CKAP5: variants seen among roughly 807,000 people sequenced by gnomAD.
CKAP5 encodes cytoskeleton associated protein 5.
A neutral mutation model predicts 232.8 loss-of-function variants in CKAP5; 27 were observed. The observed-to-expected ratio is 0.12, with a 90% CI of 0.09 to 0.16. The LOEUF is 0.16. CKAP5 is among the 10% of genes least tolerant of loss of function. CKAP5 has a pLI of 1.00. For missense variants in CKAP5, 1,838 were observed against 2,424.7 expected (o/e 0.76, Z 5.08); for synonymous variants, 785 against 841.1 (o/e 0.93, Z 1.16).
At chr11:46,834,124 C>A (rs553463521) in intron 1 of CKAP5, among the ~76,000 whole-genome samples, 102 of 152,198 alleles carry the variant, frequency 6.7e-4, no homozygotes, top group Non-Finnish European at 1.1e-3. Context: ...CCCGGCTTGG[C>A]CTTTTACTAT....
In CKAP5 at chr11:46,809,417, C is replaced by G; in HGVS notation, c.847G>C (p.Asp283His). 1 of 1,605,452 alleles carries G rather than the reference C, an allele frequency of 6.2e-7. No homozygotes were observed. Among genetic ancestry groups the G allele is most frequent in the South Asian group, 1.1e-5 (1 of 89,810 alleles). The change falls in exon 7 of 44, where the codon GAC (aspartate) becomes CAC (histidine). Residue 283 changes from aspartate (D) to histidine (H), a missense_variant. Coordinates refer to ENST00000529230, the MANE Select transcript of CKAP5 (RefSeq NM_001008938.4). The stretch of plus-strand genomic sequence containing the variant: ...TTACTTACAATTTTGTCATAAAAGT[C>G]TTTGGGAAGTTTGGAAAGGATTTCT... The part of the protein sequence containing the change: ...AVEILSKLPK[D>H]FYDKIEAKKW...
At chr11:46,752,193 T>TATACACATAC (rs1408030107) in intron 38 of CKAP5, among the ~76,000 whole-genome samples, 19 of 66,574 alleles carry the variant, frequency 2.9e-4, no homozygotes, top group African/African-American at 9.2e-4. Context: ...TATATATATA[T>TATACACATAC]ACACACACAC....
intron 36 of CKAP5, among the ~76,000 whole-genome samples, chr11:46,754,227 G>C (rs1447205600): frequency 6.6e-6 from 1 of 152,096 alleles, no homozygotes; most frequent in Non-Finnish European, 1.5e-5. Context: ...TTGAACTCCT[G>C]ACATTGTGAT....
intron 20 of CKAP5, among the ~76,000 whole-genome samples, chr11:46,779,219 T>C (rs1282706050): frequency 3.3e-5 from 5 of 152,002 alleles, no homozygotes; most frequent in Admixed American, 6.6e-5. Flanking sequence ...CTGCAACCTA[T>C]GCCTCCCGGG....
intron 25 of CKAP5, chr11:46,770,372 G>T (rs865878820): frequency 2.5e-6 from 1 of 394,922 alleles, no homozygotes. Context: ...TGCTTGTTAC[G>T]ATTTCAAATT....
chr11:46,797,699 C>G, intron 11 of CKAP5, 106 bp downstream of exon 11: 1 of 1,142,454 alleles, frequency 8.8e-7, no homozygotes, highest in Non-Finnish European at 1.2e-6. Flanking sequence ...CTCAAAAGAT[C>G]ATAACCTCTA....
intron 8 of CKAP5, among the ~76,000 whole-genome samples, chr11:46,806,607 G>A (rs1939160978): frequency 6.6e-6 from 1 of 152,142 alleles, no homozygotes; most frequent in Non-Finnish European, 1.5e-5. Context: ...ATGGAAAATT[G>A]ATGACTGAAC....
chr11:46,751,804 T>C (rs4752932), intron 38 of CKAP5, among the ~76,000 whole-genome samples: 21,180 of 152,140 alleles, frequency 0.14, 2,467 homozygotes, highest in East Asian at 0.6. Context: ...TTTAACCTGG[T>C]AGAAATTCTC....
chr11:46,806,776 A>C (rs1284744253), intron 8 of CKAP5, among the ~76,000 whole-genome samples: 2 of 152,180 alleles, frequency 1.3e-5, no homozygotes, highest in Non-Finnish European at 2.9e-5. Flanking sequence ...ATCAACACTC[A>C]TGGTACTTTC....
chr11:46,821,104 G>C, intron 2 of CKAP5, 71 bp downstream of exon 2: 1 of 1,056,882 alleles, frequency 9.5e-7, no homozygotes, highest in Non-Finnish European at 1.5e-6. Context: ...ACACTTCTAA[G>C]TAAGATGATA....
At chr11:46,768,980 C>T (rs994424981) in intron 26 of CKAP5, among the ~76,000 whole-genome samples, 2 of 152,024 alleles carry the variant, frequency 1.3e-5, no homozygotes, top group African/African-American at 2.4e-5. Context: ...AGTGCACTGG[C>T]GTGATCTTGG....
chr11:46,797,466 C>T (rs1938906659), intron 11 of CKAP5, among the ~76,000 whole-genome samples: 1 of 151,444 alleles, frequency 6.6e-6, no homozygotes, highest in Non-Finnish European at 1.5e-5. Flanking sequence ...ATTTCCTTTT[C>T]CTCTTACCCT....
Position 46,811,033 on chromosome 11 carries a change from G to T in CKAP5, c.604C>A (p.Pro202Thr). ...YRWIRDALRP[P>T]LQNINSVQLK... ...TGAACAGAGTTTATATTTTGTAATGGGGGTCTCAGAGCATCCCGAATCCAT... is the reference window on the plus strand; with the variant it reads ...TGAACAGAGTTTATATTTTGTAATGTGGGTCTCAGAGCATCCCGAATCCAT... The change falls in exon 5 of 44, where the codon CCA (proline) becomes ACA (threonine). Residue 202 changes from proline to threonine, a missense_variant. Physicochemically the swap from Pro to Thr is conservative, Grantham distance 38 (BLOSUM62 -1). This residue lies in a region of CKAP5 where 285 missense variants were observed against 300.0 expected (regional missense o/e 0.95). Coordinates refer to ENST00000529230, the MANE Select transcript of CKAP5 (RefSeq NM_001008938.4). 2 of 1,612,828 alleles carry T rather than the reference G, an allele frequency of 1.2e-6. No homozygotes were observed. Among genetic ancestry groups the T allele is most frequent in the Non-Finnish European group, 1.7e-6 (2 of 1,179,570 alleles).
At chr11:46,789,451 AC>A (rs1938645900) in intron 15 of CKAP5, among the ~76,000 whole-genome samples, 1 of 152,200 alleles carries the variant, frequency 6.6e-6, no homozygotes, top group Admixed American at 6.5e-5. Context: ...AAGTAGAGTG[AC>A]CTATTTGCCT....
chr11:46,824,763 G>A (rs1939615157), intron 1 of CKAP5, among the ~76,000 whole-genome samples: 1 of 152,164 alleles, frequency 6.6e-6, no homozygotes. Flanking sequence ...AGACTGATCT[G>A]GATTTTATAA....
At chr11:46,792,993 C>CA (rs2134642719) in intron 13 of CKAP5, among the ~76,000 whole-genome samples, 1 of 152,298 alleles carries the variant, frequency 6.6e-6, no homozygotes, top group East Asian at 1.9e-4. Flanking sequence ...TGCCACTCTA[C>CA]ACATTCCACA....
intron 1 of CKAP5, among the ~76,000 whole-genome samples, chr11:46,823,861 CAT>C (rs1405771429): frequency 6.6e-6 from 1 of 152,166 alleles, no homozygotes; most frequent in East Asian, 1.9e-4. Context: ...TTATTAATAA[CAT>C]AGAAGCGGTC....
intron 7 of CKAP5, among the ~76,000 whole-genome samples, chr11:46,808,402 G>A (rs573522939): frequency 2.0e-5 from 3 of 152,246 alleles, no homozygotes; most frequent in East Asian, 3.9e-4. Flanking sequence ...TTAGCCGGGC[G>A]TGGTGGCAGG....
At chr11:46,765,405 G>T in intron 27 of CKAP5, 149 bp from the exon 28 acceptor site, 1 of 705,710 alleles carries the variant, frequency 1.4e-6, no homozygotes, top group Non-Finnish European at 2.1e-6. Context: ...ACAGAATCTT[G>T]TATATGTTTT....
Sources: allele counts gnomAD v4.1 joint callset (sites outside exome capture counted in the v4.1 genomes callset), GRCh38; gene constraint gnomAD v4.1.1; regional missense constraint gnomAD v4.1.1; transcripts MANE v1.5; gene names NCBI Gene and HGNC (gene_info 2026-07-23, HGNC 2026-07-21).